Variants in RNF17 observed in about 807,000 individuals in gnomAD.
The protein encoded by RNF17 is spermatogenesis associated 23.
In RNF17, 31 loss-of-function variants were observed where a neutral mutation model predicts 200.5. The observed-to-expected ratio is 0.15, with a 90% CI of 0.12 to 0.21. The LOEUF (loss-of-function observed/expected upper bound fraction) is 0.21, where lower values mean the gene tolerates loss of function less well. Among genes scored for constraint, RNF17 ranks in the 10% least tolerant of loss-of-function variants. RNF17 has a pLI of 1.00. For missense variants in RNF17, 1,628 were observed against 1,905.1 expected, an observed-to-expected ratio of 0.85 and a Z score of 2.71; for synonymous variants, 606 against 637.8, an observed-to-expected ratio of 0.95 and a Z score of 0.75.
intron 15 of RNF17, among the ~76,000 whole-genome samples, chr13:24,811,435 G>A (rs1182364729): frequency 1.3e-5 from 2 of 151,938 alleles, no homozygotes; most frequent in Non-Finnish European, 1.5e-5. Flanking sequence ...TGATCGCATC[G>A]GCTGCTGAGG....
chr13:24,753,981 A>AC, the RNF17 span, among the ~76,000 whole-genome samples: 3 of 151,456 alleles, frequency 2.0e-5, no homozygotes, highest in East Asian at 1.9e-4. Context: ...ACATGGTAAA[A>AC]CCCCCGACTC....
In RNF17 at chr13:24,764,312, A is replaced by C. The variant is rs1297488642; in HGVS notation, c.109A>C (p.Arg37=). 8 of 1,609,384 alleles carry C rather than the reference A, an allele frequency of 5.0e-6. No homozygotes were observed. The highest frequency in any genetic ancestry group is 6.8e-6 in the Non-Finnish European group (8 of 1,177,232). Residue 37 remains arginine, a synonymous_variant, in exon 1 of 36, where the codon AGG becomes CGG. Transcript: ENST00000255324. ...AAEIQCTRCG[R]RVSRSSGHHC... ...TGAAATCCAGTGCACCAGGTGTGGA[A>C]GGAGGGTATCCAGATCATCCGGTGA...
intron 18 of RNF17, among the ~76,000 whole-genome samples, chr13:24,839,397 A>G (rs1890369650): frequency 6.6e-6 from 1 of 152,346 alleles, no homozygotes. Flanking sequence ...TAAAATTCAT[A>G]TAGAACCAAA....
chr13:24,750,370 T>C, the RNF17 span, among the ~76,000 whole-genome samples: 329 of 152,322 alleles, frequency 2.2e-3, 1 homozygote, highest in African/African-American at 7.6e-3. Flanking sequence ...CAAAGATTAT[T>C]AGTAAATTTA....
chr13:24,870,449 C>T (rs1173265471), intron 31 of RNF17, 122 bp from the exon 32 acceptor site: 1 of 697,574 alleles, frequency 1.4e-6, no homozygotes, highest in South Asian at 1.9e-5. Context: ...AGGTGAATAT[C>T]AGGAGGTGTA....
the RNF17 span, among the ~76,000 whole-genome samples, chr13:24,749,551 A>G: frequency 2.0e-5 from 3 of 152,146 alleles, no homozygotes; most frequent in Non-Finnish European, 1.5e-5. Flanking sequence ...CAGTTAAAAA[A>G]CAATGTCTAA....
In RNF17 at chr13:24,868,584, T is replaced by G. The variant is rs755453091; in HGVS notation, c.4162-16T>G. The G allele has an allele frequency of 7.3e-7, 1 of 1,366,294 alleles. No homozygotes were observed. The highest frequency in any genetic ancestry group is 1.2e-5 in the South Asian group (1 of 85,708). The allele number at this position is 1,366,294 out of a possible 1,614,324, so 84.6% of individuals were successfully genotyped here. A position where few individuals can be genotyped will look rare whatever the true frequency, so the allele number is the denominator to read the frequency against. ...TGTCCTTATTCTGAAATTTGAATTT[T>G]TCTGTGGTGTTTTAGGAATTGCTTT... is the stretch of plus-strand genomic sequence containing the variant. On this transcript the variant is annotated splice_polypyrimidine_tract_variant and intron_variant, in intron 30 of 35. Transcript: ENST00000255324.
At chr13:24,776,207 C>T (rs1881547385) in intron 3 of RNF17, among the ~76,000 whole-genome samples, 1 of 152,090 alleles carries the variant, frequency 6.6e-6, no homozygotes, top group African/African-American at 2.4e-5. Flanking sequence ...TGTCCATAAC[C>T]TATCTTCATT....
intron 24 of RNF17, among the ~76,000 whole-genome samples, chr13:24,852,318 T>G (rs1486873592): frequency 6.6e-6 from 1 of 152,096 alleles, no homozygotes; most frequent in Admixed American, 6.5e-5. Flanking sequence ...TTTTGTATTT[T>G]TAGTAGAGAC....
intron 18 of RNF17, among the ~76,000 whole-genome samples, chr13:24,832,608 C>T (rs1416323143): frequency 6.6e-6 from 1 of 152,174 alleles, no homozygotes; most frequent in African/African-American, 2.4e-5. Context: ...TTGTGGGCTG[C>T]TGCCCCAGAC....
At chr13:24,838,808 G>GA (rs1890295032) in intron 18 of RNF17, among the ~76,000 whole-genome samples, 1 of 148,778 alleles carries the variant, frequency 6.7e-6, no homozygotes, top group Admixed American at 7.0e-5. Context: ...CATAGTAGTG[G>GA]AAGTCCTAGC....
intron 31 of RNF17, 47 bp downstream of exon 31, chr13:24,868,763 G>C (rs1351214433): frequency 1.9e-6 from 2 of 1,032,124 alleles, no homozygotes; most frequent in Non-Finnish European, 3.1e-6. Context: ...GTAACAAGCT[G>C]TCTTGGTCTT....
upstream of RNF17, among the ~76,000 whole-genome samples, chr13:24,762,369 TAAA>T (rs370600110): frequency 2.0e-4 from 23 of 113,890 alleles, no homozygotes; most frequent in African/African-American, 6.9e-4. Context: ...ACTCCATTTC[TAAA>T]AAAAAAAAAA....
intron 16 of RNF17, among the ~76,000 whole-genome samples, chr13:24,830,014 T>C (rs1267524156): frequency 2.0e-5 from 3 of 152,212 alleles, no homozygotes; most frequent in Non-Finnish European, 4.4e-5. Context: ...AGGCGAATCC[T>C]CCAAAAACAT....
intron 2 of RNF17, among the ~76,000 whole-genome samples, chr13:24,769,725 G>A (rs905775952): frequency 6.6e-6 from 1 of 152,156 alleles, no homozygotes; most frequent in Non-Finnish European, 1.5e-5. Context: ...CTGTATTCAC[G>A]TTAGACTTAT....
intron 15 of RNF17, among the ~76,000 whole-genome samples, chr13:24,820,417 T>A (rs1887911140): frequency 6.8e-6 from 1 of 147,164 alleles, no homozygotes. Flanking sequence ...CCACCGCACC[T>A]GGCCTTTTTG....
chr13:24,862,605 C>G, intron 27 of RNF17, 108 bp from the exon 28 acceptor site: 1 of 676,190 alleles, frequency 1.5e-6, no homozygotes, highest in South Asian at 1.7e-5. Context: ...GTATTTTGTA[C>G]TACTATCTGA....
Position 24,802,411 on chromosome 13 carries a change from G to A in RNF17, c.1789G>A (p.Glu597Lys), listed in dbSNP as rs748890257. Residue 597 changes from glutamate (E) to lysine (K), a missense_variant, in exon 14 of 36, where the codon GAA becomes AAA. By Grantham distance (56) the Glu-to-Lys change is moderately conservative. Transcript: ENST00000255324. ...AGGCTGGGAAGAGGAAGCTAAAGTG[G>A]AATTTTTGAAAATGGTAAATAACAA... ...NEGWEEEAKV[E>K]FLKMVNNKAV... 20 of 1,613,058 alleles carry A rather than the reference G, an allele frequency of 1.2e-5. No homozygotes were observed. Among genetic ancestry groups the A allele is most frequent in the Non-Finnish European group, 6.8e-6 (8 of 1,179,714 alleles).
chr13:24,788,308 T>C, intron 7 of RNF17, 149 bp downstream of exon 7: 2 of 492,368 alleles, frequency 4.1e-6, no homozygotes, highest in Admixed American at 8.3e-5. Context: ...TAGGTTAGGA[T>C]AGTCTAAGTT....
Sources: gnomAD v4.1 joint callset for allele counts (sites outside exome capture counted in the v4.1 genomes callset) on GRCh38, gnomAD v4.1.1 for gene constraint, MANE v1.5 for transcripts, NCBI Gene and HGNC (gene_info 2026-07-23, HGNC 2026-07-21) for gene names.